Variants in PCDHA12 observed in about 807,000 individuals in gnomAD.
The protein encoded by PCDHA12 is protocadherin alpha-12.
PCDHA12 carries 44 observed loss-of-function variants against 60.0 expected under a neutral mutation model. That is an observed-to-expected ratio of 0.73 (90% CI 0.58 to 0.94). The LOEUF (loss-of-function observed/expected upper bound fraction) is 0.94. PCDHA12 is among the 40% of genes least tolerant of loss of function. PCDHA12 has a pLI of 0.00. For synonymous variants in PCDHA12, 569 were observed against 553.0 expected, an observed-to-expected ratio of 1.03 and a Z score of -0.40; for missense variants, 1,276 against 1,239.7, an observed-to-expected ratio of 1.03 and a Z score of -0.44.
At position 140,877,488 on chromosome 5, in the gene PCDHA12, C is replaced by G. The variant is rs781785108; in HGVS notation, c.2016C>G (p.Asn672Lys). ...CGGTGCTGGTGTCGCTGGTGGAGAA[C>G]GGCCAGGCCCCAAAGACGTCGTCGC... ...TATVLVSLVE[N>K]GQAPKTSSRA... Residue 672 changes from asparagine to lysine, a missense_variant, in exon 1 of 4, where the codon AAC becomes AAG. Asn to Lys is a moderately conservative substitution (Grantham distance 94). Transcript: ENST00000398631. 6.2e-6 allele frequency: 10 copies of G among 1,613,856 alleles called. No homozygotes were observed. In the South Asian group the frequency reaches 1.1e-4, roughly 18 times the overall value.
chr5:140,928,132 C>T (rs1563101702), intron 1 of PCDHA12: 1 of 1,614,100 alleles, frequency 6.2e-7, no homozygotes, highest in Non-Finnish European at 8.5e-7. Flanking sequence ...ATACCAAGTC[C>T]TGATCACGGC....
At chr5:140,897,086 T>G (rs527763854) in intron 1 of PCDHA12, among the ~76,000 whole-genome samples, 379 of 152,296 alleles carry the variant, frequency 2.5e-3, no homozygotes, top group African/African-American at 8.4e-3. Context: ...TTCTATTTTT[T>G]ATCCTCATTA....
At chr5:140,971,968 A>G (rs1049886222) in intron 1 of PCDHA12, among the ~76,000 whole-genome samples, 3 of 152,124 alleles carry the variant, frequency 2.0e-5, no homozygotes, top group Non-Finnish European at 4.4e-5. Flanking sequence ...CTTTTTTTCA[A>G]TACTATGAGT....
chr5:140,882,602 A>G lies in PCDHA12; in HGVS notation c.2367+4763A>G, dbSNP rs782347582. 1.9e-6 allele frequency: 3 copies of G among 1,614,276 alleles called. No homozygotes were observed. In the South Asian group the frequency reaches 3.3e-5, roughly 18 times the overall value. ...CATCCACCTGGAGGTGATCGTGGAC[A>G]GGCCTCTGCAGGTTTTCCATGTGGA... On this transcript the variant is annotated intron_variant, in intron 1 of 3. Coordinates refer to ENST00000398631, the MANE Select transcript of PCDHA12 (RefSeq NM_018903.4).
intron 3 of PCDHA12, among the ~76,000 whole-genome samples, chr5:140,986,619 C>T (rs1212565136): frequency 6.6e-6 from 1 of 152,134 alleles, no homozygotes; most frequent in Non-Finnish European, 1.5e-5. Flanking sequence ...CAGGCCTTAC[C>T]TAAGGCAACA....
intron 1 of PCDHA12, among the ~76,000 whole-genome samples, chr5:140,921,440 G>A (rs1026829665): frequency 6.6e-6 from 1 of 152,056 alleles, no homozygotes; most frequent in Non-Finnish European, 1.5e-5. Flanking sequence ...CTTCAATGGT[G>A]TCTGAAAAGG....
At chr5:140,935,840 G>T (rs155359) in intron 1 of PCDHA12, among the ~76,000 whole-genome samples, 87,412 of 151,068 alleles carry the variant, frequency 0.58, 26,203 homozygotes, top group African/African-American at 0.75. Context: ...ATTCCATACT[G>T]CTTAATGGTG....
At chr5:140,883,744 C>T (rs782708384) in intron 1 of PCDHA12, 1 of 1,613,374 alleles carries the variant, frequency 6.2e-7, no homozygotes, top group South Asian at 1.1e-5. Flanking sequence ...TGGTCTCCTA[C>T]TCGCTGGTGG....
chr5:140,982,722 T>G, intron 3 of PCDHA12, 159 bp downstream of exon 3: 1 of 913,304 alleles, frequency 1.1e-6, no homozygotes, highest in African/African-American at 1.8e-5. Flanking sequence ...TATGATTATT[T>G]TGATTTTATA....
chr5:140,875,423 G>A lies in PCDHA12; in HGVS notation c.-50G>A. 2 of 1,524,996 alleles carry A rather than the reference G, an allele frequency of 1.3e-6. No homozygotes were observed. The highest frequency in any genetic ancestry group is 1.8e-6 in the Non-Finnish European group (2 of 1,139,316). 94.5% of individuals were successfully genotyped at this position (1,524,996 alleles called of 1,614,324 possible). The stretch of plus-strand genomic sequence containing the variant: ...ACTGCTCATAAAATACCTCAGGCAA[G>A]CGATCCCTTAAAACTGATTGTCCCA... On this transcript the variant is annotated 5_prime_UTR_variant, in exon 1 of 4. Transcript: ENST00000398631.
intron 1 of PCDHA12, among the ~76,000 whole-genome samples, chr5:140,945,365 G>A (rs1458066318): frequency 6.6e-6 from 1 of 151,914 alleles, no homozygotes; most frequent in Non-Finnish European, 1.5e-5. Flanking sequence ...TGTTTAAAAT[G>A]TCCATATTAC....
At position 140,979,027 on chromosome 5, in the gene PCDHA12, T is replaced by C. The variant is rs782016038; in HGVS notation, c.2426+20T>C. ...GCACAGGTATGTATTTCCCTCCTCA[T>C]TCACTCAGAAGTAACCTTAACTTGG... On this transcript the variant is annotated intron_variant, in intron 2 of 3. Coordinates refer to ENST00000398631, the MANE Select transcript of PCDHA12 (RefSeq NM_018903.4). The C allele has an allele frequency of 3.5e-5, 57 of 1,613,492 alleles. No homozygotes were observed. Among genetic ancestry groups the C allele is most frequent in the Non-Finnish European group, 4.4e-5 (52 of 1,179,754 alleles).
At chr5:140,952,962 C>T (rs246032) in intron 1 of PCDHA12, among the ~76,000 whole-genome samples, 1 of 151,598 alleles carries the variant, frequency 6.6e-6, no homozygotes, top group Non-Finnish European at 1.5e-5. Context: ...GGAAGTGATA[C>T]ACACTTTTAA....
chr5:140,967,487 G>C, intron 1 of PCDHA12: 8 of 1,613,290 alleles, frequency 5.0e-6, no homozygotes, highest in Non-Finnish European at 6.8e-6. Context: ...CTCGGGTACG[G>C]CACAGATCTC....
At chr5:140,911,410 A>G (rs1472938045) in intron 1 of PCDHA12, among the ~76,000 whole-genome samples, 1 of 152,208 alleles carries the variant, frequency 6.6e-6, no homozygotes, top group African/African-American at 2.4e-5. Context: ...AGCCACTGGT[A>G]TGATAAGAAC....
intron 1 of PCDHA12, chr5:140,968,853 A>G (rs782470050): frequency 3.7e-6 from 6 of 1,614,108 alleles, no homozygotes; most frequent in Non-Finnish European, 4.2e-6. Context: ...AGGCATGTTA[A>G]GAGCCCTCGG....
chr5:141,004,608 T>A (rs2153981502), intron 3 of PCDHA12, among the ~76,000 whole-genome samples: 1 of 152,348 alleles, frequency 6.6e-6, no homozygotes, highest in African/African-American at 2.4e-5. Flanking sequence ...TTAGGCCTCA[T>A]GCAGAGTCCT....
In PCDHA12 at chr5:140,875,961, C is replaced by G; in HGVS notation, c.489C>G (p.Gly163=). The change falls in exon 1 of 4, where the codon GGC becomes GGG. Residue 163 remains glycine (G), a synonymous_variant. Transcript: ENST00000398631. The stretch of plus-strand genomic sequence containing the variant: ...AGGGCGCTTCTGATGCGGATATCGG[C>G]GTAAACTCTCTTTTGACCTATGCGT... ...PLEGASDADI[G]VNSLLTYALS... 1 of 1,614,004 alleles carries G rather than the reference C, an allele frequency of 6.2e-7. No individual in the cohort carries two copies. The highest frequency in any genetic ancestry group is 8.5e-7 in the Non-Finnish European group (1 of 1,179,946).
intron 1 of PCDHA12, chr5:140,929,032 T>C (rs781951889): frequency 1.9e-6 from 3 of 1,614,236 alleles, no homozygotes; most frequent in East Asian, 2.2e-5. Flanking sequence ...CCCAGGCTGT[T>C]GCGCTCAGAG....
Sources: allele counts gnomAD v4.1 joint callset (sites outside exome capture counted in the v4.1 genomes callset), GRCh38; gene constraint gnomAD v4.1.1; transcripts MANE v1.5; gene names NCBI Gene and HGNC (gene_info 2026-07-23, HGNC 2026-07-21).